The following ERGIC1 variants were observed in gnomAD, a reference collection of about 807,000 sequenced individuals.
ERGIC1 encodes endoplasmic reticulum-golgi intermediate compartment 1.
In ERGIC1, 19 loss-of-function variants were observed where a neutral mutation model predicts 38.3. The observed-to-expected ratio is 0.50, with a 90% CI of 0.35 to 0.73. The LOEUF (loss-of-function observed/expected upper bound fraction) is 0.73. Among genes scored for constraint, ERGIC1 ranks in the 30% least tolerant of loss-of-function variants. ERGIC1 has a pLI of 0.01. For missense variants in ERGIC1, 294 were observed against 389.2 expected, an observed-to-expected ratio of 0.76 and a Z score of 2.06; for synonymous variants, 124 against 157.6, an observed-to-expected ratio of 0.79 and a Z score of 1.60.
Position 172,926,503 on chromosome 5 carries a change from C to T in ERGIC1, c.481-6C>T. The stretch of plus-strand genomic sequence containing the variant: ...GGGACCATCCCCTCACTGCATTTTT[C>T]CACAGGTCCAGAACATCCACGGAGC... On this transcript the variant is annotated splice_region_variant and splice_polypyrimidine_tract_variant and intron_variant, in intron 6 of 9. Coordinates refer to ENST00000393784, the MANE Select transcript of ERGIC1 (RefSeq NM_001031711.3). The surrounding 1 kb of genome is among the most constrained non-coding windows in gnomAD (Gnocchi z 5.2). 6.2e-7 allele frequency: 1 copy of T among 1,613,822 alleles called. No homozygotes were observed. The highest frequency in any genetic ancestry group is 1.3e-5 in the African/African-American group (1 of 75,006).
At position 172,856,871 on chromosome 5, in the gene ERGIC1, G is replaced by A. The variant is rs549470401; in HGVS notation, c.20+22438G>A. On this transcript the variant is annotated intron_variant, in intron 1 of 9. Transcript: ENST00000393784. ...ACCTCAGTATCCCTATTTATGAGGTGGGAGAAGCAGTAATCTGCCTCACGG... is the reference window on the plus strand; with the variant it reads ...ACCTCAGTATCCCTATTTATGAGGTAGGAGAAGCAGTAATCTGCCTCACGG... Among the ~76,000 whole-genome samples, 3 of 152,278 alleles carry A rather than the reference G, an allele frequency of 2.0e-5. No individual in the cohort carries two copies. The South Asian group carries it at 6.2e-4, about 32-fold the overall frequency.
At chr5:172,903,418 A>AT in intron 3 of ERGIC1, among the ~76,000 whole-genome samples, 1 of 152,168 alleles carries the variant, frequency 6.6e-6, no homozygotes, top group Middle Eastern at 3.4e-3. Context: ...CTTTTCACCG[A>AT]TTCCCATCCC....
chr5:172,907,151 C>A (rs916840124), intron 3 of ERGIC1, among the ~76,000 whole-genome samples: 1 of 152,264 alleles, frequency 6.6e-6, no homozygotes, highest in African/African-American at 2.4e-5. Context: ...GCGCCGCCAT[C>A]CCCTGCCTGG....
intron 9 of ERGIC1, among the ~76,000 whole-genome samples, chr5:172,942,172 C>T (rs1167668602): frequency 6.6e-6 from 1 of 151,676 alleles, no homozygotes; most frequent in African/African-American, 2.4e-5. Flanking sequence ...CTAGCCTGGG[C>T]GACAGAGCAA....
At chr5:172,845,947 C>T (rs1761273918) in intron 1 of ERGIC1, among the ~76,000 whole-genome samples, 1 of 152,164 alleles carries the variant, frequency 6.6e-6, no homozygotes, top group Non-Finnish European at 1.5e-5. Flanking sequence ...CGGTCGGTCC[C>T]TGTTTTCTAT....
At chr5:172,883,347 C>G (rs779734627) in intron 1 of ERGIC1, among the ~76,000 whole-genome samples, 1 of 152,108 alleles carries the variant, frequency 6.6e-6, no homozygotes, top group Non-Finnish European at 1.5e-5. Context: ...TTCAGGTGTC[C>G]CCTGATGGCC....
intron 1 of ERGIC1, among the ~76,000 whole-genome samples, chr5:172,862,352 G>A (rs988553815): frequency 4.7e-5 from 7 of 148,308 alleles, no homozygotes; most frequent in African/African-American, 1.7e-4. Flanking sequence ...AGATAAGGGG[G>A]GAGATAAGGA....
At chr5:172,914,234 CAAAAAAAAAA>C (rs35584191) in intron 4 of ERGIC1, among the ~76,000 whole-genome samples, 4 of 102,178 alleles carry the variant, frequency 3.9e-5, no homozygotes, top group Non-Finnish European at 1.9e-5. Context: ...GACTCTGTCT[CAAAAAAAAAA>C]AAAAAAAAAA....
In ERGIC1 at chr5:172,858,131, G is replaced by C. The variant is rs373668532; in HGVS notation, c.20+23698G>C. On this transcript the variant is annotated intron_variant, in intron 1 of 9. Transcript: ENST00000393784. ...GAACCTGACTGCAGTGGTATTTGACGGCTGTCTGAAAGGTGCTTAGGGTTC... is the reference window on the plus strand; with the variant it reads ...GAACCTGACTGCAGTGGTATTTGACCGCTGTCTGAAAGGTGCTTAGGGTTC... 5.7e-3 allele frequency among the ~76,000 whole-genome samples: 861 copies of C among 152,304 alleles called. 7 individuals are homozygous for C. Among genetic ancestry groups the C allele is most frequent in the African/African-American group, 0.019 (804 of 41,562 alleles).
intron 3 of ERGIC1, among the ~76,000 whole-genome samples, chr5:172,908,243 G>T (rs1763086031): frequency 7.0e-6 from 1 of 143,416 alleles, no homozygotes; most frequent in Admixed American, 7.0e-5. Flanking sequence ...TAAGAGAGAG[G>T]TGGAGGCCAG....
chr5:172,893,905 A>ATATATATGTGTGTGTGTGTGTGTG (rs1173039695), intron 2 of ERGIC1, among the ~76,000 whole-genome samples: 7 of 15,532 alleles, frequency 4.5e-4, no homozygotes, highest in East Asian at 4.6e-3. Flanking sequence ...ATATATATAT[A>ATATATATGTGTGTGTGTGTGTGTG]TGTGTGTGTG....
chr5:172,908,567 C>T (rs1345533434), intron 3 of ERGIC1, among the ~76,000 whole-genome samples: 4 of 149,374 alleles, frequency 2.7e-5, no homozygotes. Context: ...CAGAGTGAGA[C>T]TCTGTCTCAA....
intron 1 of ERGIC1, among the ~76,000 whole-genome samples, chr5:172,879,973 G>A (rs995151786): frequency 6.6e-6 from 1 of 152,170 alleles, no homozygotes; most frequent in African/African-American, 2.4e-5. Flanking sequence ...CTCCTTACAT[G>A]AGCACTAACA....
chr5:172,926,445 AC>A lies in ERGIC1; in HGVS notation c.481-62del. Reference sequence around the variant, plus strand: ...AGGTGGTACCTGGCCATCCCCCACAACCAGGGCCAGGCCTGGAGGTGGAGGT... The same window carrying A: ...AGGTGGTACCTGGCCATCCCCCACAACAGGGCCAGGCCTGGAGGTGGAGGT... On this transcript the variant is annotated intron_variant, in intron 6 of 9. Coordinates refer to ENST00000393784, the MANE Select transcript of ERGIC1 (RefSeq NM_001031711.3). This position sits in a 1 kb window ranked among gnomAD's most constrained non-coding sequence, Gnocchi z 5.2. The A allele has an allele frequency of 5.7e-6, 9 of 1,588,938 alleles. No individual in the cohort carries two copies. Among genetic ancestry groups the A allele is most frequent in the Non-Finnish European group, 7.8e-6 (9 of 1,158,080 alleles).
In ERGIC1 at chr5:172,909,997, T is replaced by C. The variant is rs1218346499; in HGVS notation, c.250+236T>C. On this transcript the variant is annotated intron_variant, in intron 4 of 9. Transcript: ENST00000393784. ...GAGCAGCTGATTTGGTGCAGGGAGG[T>C]GGGATGTCTCTTAGGGTCATGTTAC... Among the ~76,000 whole-genome samples, 7 of 151,788 alleles carry C rather than the reference T, an allele frequency of 4.6e-5. No individual in the cohort carries two copies. The East Asian group carries it at 1.4e-3, about 29-fold the overall frequency.
In ERGIC1 at chr5:172,920,424, C is replaced by G. The variant is rs759159345; in HGVS notation, c.376-3581C>G. The G allele has an allele frequency of 2.2e-4, 161 of 717,810 alleles. 1 individual carries two copies. In the East Asian group the frequency reaches 4.3e-3, roughly 19 times the overall value. The allele number at this position is 717,810 out of a possible 1,614,324, so 44.5% of individuals were successfully genotyped here. ...GTTTTGAGCAGCAGCGGCAGCCTCACCAGAGACCCCACGGTGACCTCGTTT... is the reference window on the plus strand; with the variant it reads ...GTTTTGAGCAGCAGCGGCAGCCTCAGCAGAGACCCCACGGTGACCTCGTTT... On this transcript the variant is annotated intron_variant, in intron 5 of 9. Coordinates refer to ENST00000393784, the MANE Select transcript of ERGIC1 (RefSeq NM_001031711.3).
chr5:172,860,956 G>A (rs1057025083), intron 1 of ERGIC1, among the ~76,000 whole-genome samples: 5 of 152,188 alleles, frequency 3.3e-5, no homozygotes, highest in Admixed American at 1.3e-4. Flanking sequence ...CTGGAGACCG[G>A]CCCTGGCACT....
chr5:172,923,396 G>A (rs921737685), intron 5 of ERGIC1, among the ~76,000 whole-genome samples: 4 of 151,884 alleles, frequency 2.6e-5, no homozygotes, highest in Non-Finnish European at 4.4e-5. Flanking sequence ...GAGGGACTTC[G>A]TGCTGAAACA....
chr5:172,927,283 A>G (rs537731137), intron 7 of ERGIC1, among the ~76,000 whole-genome samples: 1 of 152,170 alleles, frequency 6.6e-6, no homozygotes, highest in East Asian at 1.9e-4. Flanking sequence ...ACCTGAGCTC[A>G]CCTTTTAACC....
Sources: gnomAD v4.1 joint callset for allele counts (sites outside exome capture counted in the v4.1 genomes callset) on GRCh38, gnomAD v4.1.1 for gene constraint, Gnocchi (gnomAD v3.1) non-coding constraint, MANE v1.5 for transcripts, NCBI Gene and HGNC (gene_info 2026-07-23, HGNC 2026-07-21) for gene names.